The following PLCH1 variants were observed in gnomAD, a reference collection of about 807,000 sequenced individuals.
PLCH1 encodes the protein phospholipase C eta 1.
PLCH1 carries 60 observed loss-of-function variants against 126.7 expected under a neutral mutation model. The ratio of observed to expected loss-of-function variants is 0.47; its 90% confidence interval spans 0.38 to 0.59. PLCH1 has a LOEUF of 0.59. PLCH1 is among the 20% of genes least tolerant of loss of function. PLCH1 has a pLI of 0.00. For missense variants in PLCH1, 1,723 were observed against 2,040.0 expected (o/e 0.84, Z 2.99); for synonymous variants, 719 against 734.9 (o/e 0.98, Z 0.35).
intron 10 of PLCH1, 23 bp from the exon 11 acceptor site, chr3:155,524,027 A>AT: frequency 1.5e-6 from 2 of 1,356,616 alleles, no homozygotes; most frequent in Non-Finnish European, 2.1e-6. Context: ...AAAACATCCC[A>AT]TTTAAAAATG....
At chr3:155,570,369 T>G (rs1029797552) in intron 6 of PLCH1, among the ~76,000 whole-genome samples, 4 of 152,196 alleles carry the variant, frequency 2.6e-5, no homozygotes, top group Admixed American at 1.3e-4. Context: ...AATAGGAATT[T>G]CTCCCTACTC....
intron 2 of PLCH1, among the ~76,000 whole-genome samples, chr3:155,662,543 A>G (rs937173534): frequency 6.6e-6 from 1 of 152,026 alleles, no homozygotes; most frequent in Non-Finnish European, 1.5e-5. Flanking sequence ...TAAGCCTAAA[A>G]TAAGAGACTA....
chr3:155,644,458 C>T (rs111690126), intron 2 of PLCH1, among the ~76,000 whole-genome samples: 4,583 of 152,086 alleles, frequency 0.03, 209 homozygotes, highest in African/African-American at 0.092. Context: ...CAAAAATTAG[C>T]CAGGCATAGT....
At chr3:155,640,675 A>T (rs747213925) in intron 2 of PLCH1, among the ~76,000 whole-genome samples, 5 of 152,180 alleles carry the variant, frequency 3.3e-5, no homozygotes, top group Non-Finnish European at 5.9e-5. Flanking sequence ...AACATCTCTA[A>T]CCATTACATG....
intron 8 of PLCH1, among the ~76,000 whole-genome samples, chr3:155,563,949 C>G (rs2108507329): frequency 6.6e-6 from 1 of 152,198 alleles, no homozygotes; most frequent in South Asian, 2.1e-4. Flanking sequence ...CTCTCTCTCT[C>G]TCTCACAGGT....
At chr3:155,568,421 G>A (rs913309226) in intron 6 of PLCH1, 97 bp from the exon 7 acceptor site, 22 of 555,696 alleles carry the variant, frequency 4.0e-5, no homozygotes, top group South Asian at 2.2e-4. Flanking sequence ...TCTTCACACC[G>A]TACAAAGTAC....
intron 1 of PLCH1, among the ~76,000 whole-genome samples, chr3:155,729,768 A>C (rs1368553022): frequency 6.6e-6 from 1 of 152,040 alleles, no homozygotes; most frequent in Non-Finnish European, 1.5e-5. Context: ...TCTAGTAAAA[A>C]TTCAAATGTT....
At chr3:155,586,233 A>G (rs1373994435) in intron 4 of PLCH1, 39 bp from the exon 5 acceptor site, 1 of 1,605,292 alleles carries the variant, frequency 6.2e-7, no homozygotes, top group African/African-American at 1.3e-5. Flanking sequence ...GCTCTCATCA[A>G]AATTAAAAAC....
At chr3:155,628,528 A>C (rs1737629674) in intron 2 of PLCH1, among the ~76,000 whole-genome samples, 1 of 141,528 alleles carries the variant, frequency 7.1e-6, no homozygotes, top group Admixed American at 7.3e-5. Context: ...AGGTTTCCCC[A>C]TGCTTTGGAT....
chr3:155,511,953 C>A (rs1168412873), intron 12 of PLCH1, among the ~76,000 whole-genome samples: 1 of 152,086 alleles, frequency 6.6e-6, no homozygotes, highest in Admixed American at 6.5e-5. Context: ...CCCCCAGCCT[C>A]ATTGCCGCCT....
At chr3:155,698,755 T>G (rs969093081) in intron 2 of PLCH1, among the ~76,000 whole-genome samples, 3 of 152,140 alleles carry the variant, frequency 2.0e-5, no homozygotes, top group Admixed American at 6.6e-5. Context: ...AGGCCATGCT[T>G]CCCTCTGTCT....
chr3:155,733,632 A>G (rs751605289), intron 1 of PLCH1, among the ~76,000 whole-genome samples: 46 of 152,286 alleles, frequency 3.0e-4, no homozygotes, highest in Non-Finnish European at 5.0e-4. Flanking sequence ...TAAACAGGAG[A>G]AAAGCTCCAT....
intron 6 of PLCH1, among the ~76,000 whole-genome samples, chr3:155,568,697 T>G (rs1490068133): frequency 6.6e-6 from 1 of 151,932 alleles, no homozygotes; most frequent in African/African-American, 2.4e-5. Context: ...ATCATAAATA[T>G]ATGTAGAAAA....
At chr3:155,486,117 C>T in intron 21 of PLCH1, 2 of 1,411,266 alleles carry the variant, frequency 1.4e-6, no homozygotes, top group Non-Finnish European at 1.9e-6. Flanking sequence ...AATATGCCAG[C>T]CAGAACAAAG....
At chr3:155,730,734 A>C (rs1026763404) in intron 1 of PLCH1, among the ~76,000 whole-genome samples, 1 of 152,380 alleles carries the variant, frequency 6.6e-6, no homozygotes, top group East Asian at 1.9e-4. Flanking sequence ...AGATCATGAG[A>C]TCATAGCACC....
intron 5 of PLCH1, 26 bp downstream of exon 5, chr3:155,586,039 A>G (rs1301188208): frequency 4.4e-6 from 7 of 1,608,430 alleles, no homozygotes; most frequent in Non-Finnish European, 6.0e-6. Context: ...ATTTTATATA[A>G]GGCCAGTGAA....
intron 2 of PLCH1, among the ~76,000 whole-genome samples, chr3:155,655,033 T>G (rs1052933920): frequency 6.6e-6 from 1 of 152,220 alleles, no homozygotes; most frequent in Non-Finnish European, 1.5e-5. Context: ...TGCTCTGTTC[T>G]CTTCCTGAAC....
At position 155,500,789 on chromosome 3, in the gene PLCH1, A is replaced by G. The variant is rs759875622; in HGVS notation, c.1710T>C (p.Thr570=). The part of the protein sequence containing the change: ...LMTNFGKHKK[T]TKSRSKSYST... Reference sequence around the variant, plus strand: ...TGTAAGATTTAGACCGTGATTTTGTAGTTTTCTGCCAGAAAAATCAAAACA... The same window carrying G: ...TGTAAGATTTAGACCGTGATTTTGTGGTTTTCTGCCAGAAAAATCAAAACA... The change falls in exon 14 of 23, where the codon ACT becomes ACC. Residue 570 remains threonine (T), a synonymous_variant. Coordinates refer to ENST00000460012, the MANE Select transcript of PLCH1 (RefSeq NM_014996.4). 1 of 1,607,446 alleles carries G rather than the reference A, an allele frequency of 6.2e-7. No individual in the cohort carries two copies. The highest frequency in any genetic ancestry group is 8.5e-7 in the Non-Finnish European group (1 of 1,174,170).
chr3:155,572,941 T>G (rs559497820), intron 6 of PLCH1, among the ~76,000 whole-genome samples: 9 of 152,172 alleles, frequency 5.9e-5, no homozygotes, highest in African/African-American at 1.9e-4. Context: ...AGAGACAGGG[T>G]GTAGCTATGT....
Sources: gnomAD v4.1 joint callset for allele counts (sites outside exome capture counted in the v4.1 genomes callset) on GRCh38, gnomAD v4.1.1 for gene constraint, MANE v1.5 for transcripts, NCBI Gene and HGNC (gene_info 2026-07-23, HGNC 2026-07-21) for gene names.